Variants in PTPRD observed in about 807,000 individuals in gnomAD.
PTPRD encodes protein tyrosine phosphatase receptor type D.
A neutral mutation model predicts 214.5 loss-of-function variants in PTPRD; 34 were observed. The ratio of observed to expected loss-of-function variants is 0.16; its 90% confidence interval spans 0.12 to 0.21. PTPRD has a LOEUF of 0.21. Ranked by LOEUF, PTPRD falls within the 10% of genes least tolerant of loss-of-function variation. The pLI is 1.00. For missense variants in PTPRD, 2,545 were observed against 2,398.7 expected (o/e 1.06, Z -1.27); for synonymous variants, 1,128 against 845.7 (o/e 1.33, Z -5.79).
At chr9:9,602,509 C>A (rs1050689007) in intron 7 of PTPRD, among the ~76,000 whole-genome samples, 1 of 151,996 alleles carries the variant, frequency 6.6e-6, no homozygotes, top group Non-Finnish European at 1.5e-5. Context: ...TTATTTATAT[C>A]TAAAAGAATA....
intron 2 of PTPRD, among the ~76,000 whole-genome samples, chr9:10,574,237 A>G (rs571965761): frequency 4.0e-5 from 6 of 151,818 alleles, no homozygotes; most frequent in Admixed American, 1.3e-4. Flanking sequence ...GTATTGTTTT[A>G]AGTTTTCTGG....
At chr9:9,434,286 C>G (rs1458833774) in intron 8 of PTPRD, among the ~76,000 whole-genome samples, 2 of 152,080 alleles carry the variant, frequency 1.3e-5, no homozygotes, top group Admixed American at 1.3e-4. Flanking sequence ...TTTAAAATAG[C>G]TTATTTAATG....
chr9:8,429,600 G>A (rs1169786333), intron 35 of PTPRD, among the ~76,000 whole-genome samples: 1 of 152,134 alleles, frequency 6.6e-6, no homozygotes, highest in Non-Finnish European at 1.5e-5. Flanking sequence ...ACAGGGCTCT[G>A]ATATCTGAAA....
At chr9:9,036,436 A>G (rs544105876) in intron 10 of PTPRD, among the ~76,000 whole-genome samples, 2 of 152,246 alleles carry the variant, frequency 1.3e-5, no homozygotes, top group South Asian at 4.1e-4. Context: ...AGGATACATG[A>G]TATTAAATAT....
intron 2 of PTPRD, among the ~76,000 whole-genome samples, chr9:10,582,806 T>C (rs1318913048): frequency 1.3e-5 from 2 of 152,186 alleles, no homozygotes; most frequent in African/African-American, 4.8e-5. Context: ...CAGAAGTAAT[T>C]CAGGGTACTG....
intron 3 of PTPRD, among the ~76,000 whole-genome samples, chr9:10,208,141 C>A: frequency 6.6e-6 from 1 of 152,188 alleles, no homozygotes; most frequent in East Asian, 1.9e-4. Context: ...CTGTTAAAGT[C>A]TTCTCTGGGA....
At chr9:9,035,538 T>C (rs923429053) in intron 10 of PTPRD, among the ~76,000 whole-genome samples, 3 of 152,000 alleles carry the variant, frequency 2.0e-5, no homozygotes, top group Non-Finnish European at 4.4e-5. Context: ...CCTCCCGTCA[T>C]AGGGTGTTCC....
At chr9:8,544,467 CTTTTTTTT>C (rs34002040) in intron 14 of PTPRD, among the ~76,000 whole-genome samples, 17 of 116,206 alleles carry the variant, frequency 1.5e-4, no homozygotes, top group Admixed American at 9.1e-5. Flanking sequence ...AAAAAAATAA[CTTTTTTTT>C]TTTTTTTTTT....
intron 11 of PTPRD, among the ~76,000 whole-genome samples, chr9:8,979,795 T>A (rs1004780656): frequency 1.3e-5 from 2 of 152,090 alleles, no homozygotes; most frequent in African/African-American, 4.8e-5. Flanking sequence ...GGAATAGAGA[T>A]TGGTACAGCC....
intron 2 of PTPRD, among the ~76,000 whole-genome samples, chr9:10,490,248 A>G (rs1481418307): frequency 6.6e-6 from 1 of 152,206 alleles, no homozygotes; most frequent in Non-Finnish European, 1.5e-5. Context: ...GACATCCTTT[A>G]CATACAATTG....
chr9:9,594,906 C>A (rs1160260779), intron 7 of PTPRD, among the ~76,000 whole-genome samples: 1 of 151,816 alleles, frequency 6.6e-6, no homozygotes, highest in East Asian at 1.9e-4. Context: ...ACAAACAATC[C>A]CTTCAAAAAG....
intron 9 of PTPRD, among the ~76,000 whole-genome samples, chr9:9,380,728 T>C (rs1330252059): frequency 6.6e-6 from 1 of 152,160 alleles, no homozygotes; most frequent in Non-Finnish European, 1.5e-5. Context: ...CAACACTATG[T>C]ACTTGCCGTT....
chr9:9,394,542 C>G (rs2067029850), intron 9 of PTPRD, among the ~76,000 whole-genome samples: 1 of 151,818 alleles, frequency 6.6e-6, no homozygotes, highest in Non-Finnish European at 1.5e-5. Flanking sequence ...ATTTTTGTGC[C>G]CCAGTTTTCT....
chr9:9,222,415 G>A (rs150520421), intron 9 of PTPRD, among the ~76,000 whole-genome samples: 47 of 152,064 alleles, frequency 3.1e-4, no homozygotes, highest in African/African-American at 9.6e-4. Context: ...CAGGGAGTGC[G>A]ACATTACTTA....
At chr9:8,900,121 T>C (rs1439226821) in intron 11 of PTPRD, among the ~76,000 whole-genome samples, 1 of 152,174 alleles carries the variant, frequency 6.6e-6, no homozygotes, top group African/African-American at 2.4e-5. Flanking sequence ...TTTAAGGCCG[T>C]GAGCGGACTT....
rs367877727 is a variant in PTPRD, at chr9:9,900,641, G to GTTTTTTTTTTTGTATTTT, written c.-368+37865_-368+37866insAAAATACAAAAAAAAAAA. Among the ~76,000 whole-genome samples the GTTTTTTTTTTTGTATTTT allele has an allele frequency of 2.2e-4, 26 of 120,108 alleles. 1 individual carries two copies. In the South Asian group the frequency reaches 3.6e-3, roughly 16 times the overall value. 78.8% of individuals were successfully genotyped at this position (120,108 alleles called of 152,430 possible). On this transcript the variant is annotated intron_variant, in intron 5 of 45. Transcript: ENST00000381196. The stretch of plus-strand genomic sequence containing the variant: ...TCCAAAGGTGCTTCCACATTTTCAG[G>GTTTTTTTTTTTGTATTTT]TTTTTTTTTTTTTTGAGATGGAGTC...
intron 6 of PTPRD, among the ~76,000 whole-genome samples, chr9:9,750,141 A>T (rs2098502479): frequency 6.6e-6 from 1 of 152,210 alleles, no homozygotes; most frequent in Admixed American, 6.5e-5. Flanking sequence ...CCAATATGCT[A>T]AATCCTTTAT....
At chr9:8,988,881 G>C (rs1020098172) in intron 11 of PTPRD, among the ~76,000 whole-genome samples, 2 of 152,098 alleles carry the variant, frequency 1.3e-5, no homozygotes, top group African/African-American at 2.4e-5. Context: ...TCAGTCCTTA[G>C]AGATATCATT....
At position 9,567,949 on chromosome 9, in the gene PTPRD, C is replaced by CT. The variant is rs531770913; in HGVS notation, c.-237+6782dup. 1.1e-4 allele frequency among the ~76,000 whole-genome samples: 16 copies of CT among 150,640 alleles called. No individual in the cohort carries two copies. The East Asian group carries it at 1.4e-3, about 13-fold the overall frequency. On this transcript the variant is annotated intron_variant, in intron 8 of 45. Transcript: ENST00000381196. ...TGGCATAAAAAGAAGGCAAAATCCC[C>CT]TTTTTTTTTCTACTGGGTATCTCGT...
Sources: allele counts gnomAD v4.1 joint callset (sites outside exome capture counted in the v4.1 genomes callset), GRCh38; gene constraint gnomAD v4.1.1; transcripts MANE v1.5; gene names NCBI Gene and HGNC (gene_info 2026-07-23, HGNC 2026-07-21).